Variants in PLCL1 observed in about 807,000 individuals in gnomAD.
PLCL1 encodes the protein phospholipase C like 1 (inactive).
PLCL1 carries 41 observed loss-of-function variants against 84.4 expected under a neutral mutation model. That is an observed-to-expected ratio of 0.49 (90% CI 0.38 to 0.63). PLCL1 has a LOEUF of 0.63. PLCL1 is among the 30% of genes least tolerant of loss of function. PLCL1 has a pLI of 0.00. For synonymous variants in PLCL1, 490 were observed against 488.3 expected (o/e 1.00, Z -0.05); for missense variants, 1,206 against 1,367.8 (o/e 0.88, Z 1.87).
At chr2:197,861,472 T>A (rs1240199859) in intron 1 of PLCL1, among the ~76,000 whole-genome samples, 1 of 152,166 alleles carries the variant, frequency 6.6e-6, no homozygotes, top group Non-Finnish European at 1.5e-5. Flanking sequence ...TATAAATAAG[T>A]GTTTCCCTGA....
At chr2:197,863,183 T>A (rs1687465873) in intron 1 of PLCL1, among the ~76,000 whole-genome samples, 1 of 151,678 alleles carries the variant, frequency 6.6e-6, no homozygotes, top group African/African-American at 2.4e-5. Flanking sequence ...TTTTTAATGA[T>A]TATGTGCCTT....
chr2:198,072,531 AG>A (rs547606928), intron 1 of PLCL1, among the ~76,000 whole-genome samples: 23 of 152,048 alleles, frequency 1.5e-4, no homozygotes, highest in South Asian at 8.3e-4. Flanking sequence ...GTAAATAAAT[AG>A]TGGGCTTTTT....
intron 5 of PLCL1, among the ~76,000 whole-genome samples, chr2:198,116,252 T>C (rs1333856942): frequency 6.6e-6 from 1 of 151,762 alleles, no homozygotes; most frequent in Non-Finnish European, 1.5e-5. Flanking sequence ...GTAGATACAA[T>C]GTGCTCAAAG....
chr2:197,953,137 C>A (rs1027343116), intron 1 of PLCL1, among the ~76,000 whole-genome samples: 1 of 152,046 alleles, frequency 6.6e-6, no homozygotes, highest in African/African-American at 2.4e-5. Context: ...AGATAACATA[C>A]AGAGAAGTTA....
At chr2:197,836,626 C>T (rs1037931375) in intron 1 of PLCL1, among the ~76,000 whole-genome samples, 5 of 152,140 alleles carry the variant, frequency 3.3e-5, no homozygotes, top group African/African-American at 1.2e-4. Flanking sequence ...AGTATTTAAA[C>T]TACCCAAATA....
intron 1 of PLCL1, among the ~76,000 whole-genome samples, chr2:198,027,443 A>G (rs1269010967): frequency 2.6e-5 from 4 of 152,210 alleles, no homozygotes; most frequent in East Asian, 1.9e-4. Flanking sequence ...CATATTGACT[A>G]TAGTTAATAA....
At chr2:198,026,295 A>C (rs1057476072) in intron 1 of PLCL1, among the ~76,000 whole-genome samples, 1 of 152,216 alleles carries the variant, frequency 6.6e-6, no homozygotes, top group Admixed American at 6.5e-5. Context: ...CAAGATAGGG[A>C]TGTAAAATGC....
At chr2:198,074,917 C>T (rs957120922) in intron 1 of PLCL1, among the ~76,000 whole-genome samples, 2 of 152,152 alleles carry the variant, frequency 1.3e-5, no homozygotes, top group Non-Finnish European at 2.9e-5. Context: ...GATGAATGCC[C>T]TAATTAAGCA....
chr2:198,027,327 G>A (rs1424871782), intron 1 of PLCL1, among the ~76,000 whole-genome samples: 1 of 152,180 alleles, frequency 6.6e-6, no homozygotes, highest in Non-Finnish European at 1.5e-5. Context: ...GCAAAGACTA[G>A]AATGGTGGTG....
intron 1 of PLCL1, among the ~76,000 whole-genome samples, chr2:198,055,308 T>A (rs187286078): frequency 2.8e-4 from 30 of 107,032 alleles, no homozygotes; most frequent in Non-Finnish European, 3.7e-5. Context: ...TCTCTCTCTC[T>A]CTCTCTCTCT....
Position 198,108,985 on chromosome 2 carries a change from C to T in PLCL1, c.3105+5049C>T, listed in dbSNP as rs374390663. ...TTCAGTCCTCACTACCTTTTCAAGA[C>T]AATCACTGGATCAAAATAACTCCAT... is the stretch of plus-strand genomic sequence containing the variant. On this transcript the variant is annotated intron_variant, in intron 5 of 5. Transcript: ENST00000428675. Among the ~76,000 whole-genome samples, 165 of 151,994 alleles carry T rather than the reference C, an allele frequency of 1.1e-3. 1 individual carries two copies. Among genetic ancestry groups the T allele is most frequent in the African/African-American group, 3.8e-3 (156 of 41,530 alleles).
intron 1 of PLCL1, among the ~76,000 whole-genome samples, chr2:197,815,645 C>T (rs1431572119): frequency 6.6e-6 from 1 of 152,074 alleles, no homozygotes; most frequent in Non-Finnish European, 1.5e-5. Flanking sequence ...TTCACCATTC[C>T]AGGTACCATT....
At chr2:198,142,629 G>A (rs970343148) in intron 5 of PLCL1, among the ~76,000 whole-genome samples, 1 of 152,080 alleles carries the variant, frequency 6.6e-6, no homozygotes, top group Non-Finnish European at 1.5e-5. Flanking sequence ...CTTTCTAAAT[G>A]TGTTGGACCT....
chr2:198,055,882 G>A (rs1692059970), intron 1 of PLCL1, among the ~76,000 whole-genome samples: 1 of 152,130 alleles, frequency 6.6e-6, no homozygotes, highest in South Asian at 2.1e-4. Flanking sequence ...TACACACAAT[G>A]GAACCTGACA....
At chr2:197,841,032 A>G (rs1024584287) in intron 1 of PLCL1, among the ~76,000 whole-genome samples, 2 of 152,174 alleles carry the variant, frequency 1.3e-5, no homozygotes, top group African/African-American at 4.8e-5. Flanking sequence ...TTTACTTTTT[A>G]GAGAAGTTTT....
chr2:197,908,096 C>T (rs1469330629), intron 1 of PLCL1, among the ~76,000 whole-genome samples: 1 of 152,152 alleles, frequency 6.6e-6, no homozygotes, highest in Non-Finnish European at 1.5e-5. Flanking sequence ...ATTGCATAGG[C>T]TTTGAGCTTT....
At chr2:198,112,948 T>G (rs1399896549) in intron 5 of PLCL1, among the ~76,000 whole-genome samples, 1 of 151,906 alleles carries the variant, frequency 6.6e-6, no homozygotes, top group African/African-American at 2.4e-5. Context: ...GATGGATCAC[T>G]TCTAGAAAAA....
intron 5 of PLCL1, among the ~76,000 whole-genome samples, chr2:198,121,496 T>C (rs1008117134): frequency 4.5e-4 from 68 of 152,082 alleles, no homozygotes; most frequent in Admixed American, 3.5e-3. Flanking sequence ...TGGTGAGAGA[T>C]AGGGATCTAG....
chr2:198,043,170 A>G (rs939392367), intron 1 of PLCL1, among the ~76,000 whole-genome samples: 1 of 152,214 alleles, frequency 6.6e-6, no homozygotes, highest in Admixed American at 6.5e-5. Context: ...CTAGTAAAAG[A>G]TGGTTTTAAA....
Sources: allele counts gnomAD v4.1 joint callset (sites outside exome capture counted in the v4.1 genomes callset), GRCh38; gene constraint gnomAD v4.1.1; transcripts MANE v1.5; gene names NCBI Gene and HGNC (gene_info 2026-07-23, HGNC 2026-07-21).